The following HLA-DQB2 variants were observed in gnomAD, a reference collection of about 807,000 sequenced individuals.
HLA-DQB2 encodes major histocompatibility complex, class II, DQ beta 2.
Under a neutral mutation model 29.2 loss-of-function variants are expected in HLA-DQB2, and 24 were observed. The observed-to-expected ratio is 0.82, with a 90% CI of 0.60 to 1.16. The LOEUF (loss-of-function observed/expected upper bound fraction) is 1.16. Ranked by LOEUF, HLA-DQB2 falls within the 50% of genes most tolerant of loss-of-function variation. The probability of loss-of-function intolerance (pLI) is 0.00; values close to 1 mark genes in which losing one functional copy is unlikely to be tolerated. For synonymous variants in HLA-DQB2, 104 were observed against 133.1 expected (o/e 0.78, Z 1.51); for missense variants, 273 against 343.6 (o/e 0.79, Z 1.62).
At chr6:32,762,210 G>C (rs1261673226) in intron 1 of HLA-DQB2, among the ~76,000 whole-genome samples, 1 of 152,212 alleles carries the variant, frequency 6.6e-6, no homozygotes, top group Non-Finnish European at 1.5e-5. Flanking sequence ...TGTGAACCAA[G>C]TGAAGAGGGC....
At position 32,756,463 on chromosome 6, in the gene HLA-DQB2, A is replaced by G. The variant is rs2113913039; in HGVS notation, c.785T>C (p.Leu262Pro). ...AAAAGTCCTCAGGAGTCAGTGCAGG[A>G]GTCCTGGAGAAGAGAGACGAGGCAT... ...KGPRGPPPAG[L>P]LH Residue 262 changes from leucine to proline, a missense_variant, in exon 6 of 6, where the codon CTC becomes CCC. Physicochemically the swap from Leu to Pro is moderately conservative, Grantham distance 98. Coordinates refer to ENST00000437316, the MANE Select transcript of HLA-DQB2 (RefSeq NM_001300790.2). The G allele has an allele frequency of 1.3e-6, 2 of 1,566,080 alleles. No homozygotes were observed. Among genetic ancestry groups the G allele is most frequent in the Non-Finnish European group, 1.7e-6 (2 of 1,146,454 alleles).
Position 32,759,035 on chromosome 6 carries a change from A to G in HLA-DQB2, c.461T>C (p.Ile154Thr). Residue 154 changes from isoleucine to threonine, a missense_variant, in exon 3 of 6, where the codon ATC becomes ACC. By Grantham distance (89) the Ile-to-Thr change is moderately conservative (BLOSUM62 -1). Coordinates refer to ENST00000437316, the MANE Select transcript of HLA-DQB2 (RefSeq NM_001300790.2). ...GTCATTCCGAAACCACCGGACTTTG[A>G]TCTGGGCTGGATAGAAATCTGTCAC... ...CSVTDFYPAQ[I>T]KVRWFRNDQE... The G allele has an allele frequency of 2.5e-6, 4 of 1,614,216 alleles. No homozygotes were observed. The highest frequency in any genetic ancestry group is 3.4e-6 in the Non-Finnish European group (4 of 1,180,048).
At chr6:32,757,073 G>C in intron 5 of HLA-DQB2, 1 of 1,419,348 alleles carries the variant, frequency 7.0e-7, no homozygotes, top group Non-Finnish European at 9.2e-7. Context: ...AGACTGGAGT[G>C]CAGTGGCGCC....
rs200716952 is a variant in HLA-DQB2, at chr6:32,758,997, C to G, written c.499G>C (p.Ala167Pro). The G allele has an allele frequency of 9.5e-7, 1 of 1,047,394 alleles. No homozygotes were observed. The highest frequency in any genetic ancestry group is 1.3e-6 in the Non-Finnish European group (1 of 761,738). 64.9% of individuals were successfully genotyped at this position (1,047,394 alleles called of 1,614,324 possible). Residue 167 changes from alanine (A) to proline (P), a missense_variant, in exon 3 of 6, where the codon GCC (alanine) becomes CCC (proline). Coordinates refer to ENST00000437316, the MANE Select transcript of HLA-DQB2 (RefSeq NM_001300790.2). The stretch of plus-strand genomic sequence containing the variant: ...ATGAGGGAGGTGGACACAACACCGG[C>G]TGTCTCCTCCTGGTCATTCCGAAAC... ...RWFRNDQEETAGVVSTSLIRN... is the reference protein window; with the variant it reads ...RWFRNDQEETPGVVSTSLIRN...
intron 1 of HLA-DQB2, 127 bp from the exon 2 acceptor site, chr6:32,762,053 G>A (rs905145381): frequency 2.2e-5 from 28 of 1,281,172 alleles, no homozygotes; most frequent in Non-Finnish European, 2.9e-5. Context: ...ACGCGAAATT[G>A]AGTTCTTGGC....
intron 2 of HLA-DQB2, among the ~76,000 whole-genome samples, 176 bp from the exon 3 acceptor site, chr6:32,759,307 T>C (rs1306766839): frequency 0.058 from 6,687 of 115,474 alleles, no homozygotes; most frequent in South Asian, 0.071. Context: ...AATCCAAAAA[T>C]AAACAACAAA....
chr6:32,761,853 T>A lies in HLA-DQB2; in HGVS notation c.171A>T (p.Arg57Ser). Residue 57 changes from arginine (R) to serine (S), a missense_variant, in exon 2 of 6, where the codon AGA (arginine) becomes AGT (serine). By Grantham distance (110) the Arg-to-Ser change is moderately radical (BLOSUM62 -1). Transcript: ENST00000437316. ...CGTACTCCTCGCGGTTATAGATGTA[T>A]CTGGCCACACCGCGCACGCGCTCTG... ...NGTERVRGVARYIYNREEYGR... is the reference protein window; with the variant it reads ...NGTERVRGVASYIYNREEYGR... 6.2e-7 allele frequency: 1 copy of A among 1,611,258 alleles called. No individual in the cohort carries two copies. Among genetic ancestry groups the A allele is most frequent in the Non-Finnish European group, 8.5e-7 (1 of 1,178,740 alleles).
At chr6:32,760,862 C>A (rs1447726861) in intron 2 of HLA-DQB2, among the ~76,000 whole-genome samples, 15,990 of 131,128 alleles carry the variant, frequency 0.12, no homozygotes, top group East Asian at 0.22. Context: ...GAGTTTACAG[C>A]ATTAAGCAAA....
At chr6:32,758,601 G>A (rs1764482997) in intron 3 of HLA-DQB2, among the ~76,000 whole-genome samples, 1 of 152,200 alleles carries the variant, frequency 6.6e-6, no homozygotes, top group South Asian at 2.1e-4. Flanking sequence ...CTCAGTCTCA[G>A]AGATTTCTTT....
chr6:32,761,705 T>G lies in HLA-DQB2; in HGVS notation c.319A>C (p.Arg107=), dbSNP rs1234836979. ...QERAAVDKVC[R]HNYEAELRTT... Reference sequence around the variant, plus strand: ...CGCAGCTCCGCCTCGTAGTTGTGTCTGCACACCTTGTCCACCGCGGCCCGC... The same window carrying G: ...CGCAGCTCCGCCTCGTAGTTGTGTCGGCACACCTTGTCCACCGCGGCCCGC... Residue 107 remains arginine, a synonymous_variant, in exon 2 of 6, where the codon AGA becomes CGA. Transcript: ENST00000437316. 5 of 1,552,842 alleles carry G rather than the reference T, an allele frequency of 3.2e-6. No homozygotes were observed. Among genetic ancestry groups the G allele is most frequent in the Non-Finnish European group, 8.7e-7 (1 of 1,148,104 alleles).
intron 2 of HLA-DQB2, among the ~76,000 whole-genome samples, chr6:32,759,563 T>C (rs1278443344): frequency 1.3e-5 from 2 of 151,750 alleles, no homozygotes; most frequent in African/African-American, 4.9e-5. Context: ...TCTGGCCATT[T>C]TACTGCATTT....
chr6:32,757,022 CTTCTT>C, intron 5 of HLA-DQB2: 1 of 1,272,332 alleles, frequency 7.9e-7, no homozygotes, highest in Non-Finnish European at 9.8e-7. Flanking sequence ...CGCTCATGCT[CTTCTT>C]TTTTTTTTTT....
chr6:32,761,553 A>C, intron 2 of HLA-DQB2, 107 bp downstream of exon 2: 1 of 1,257,444 alleles, frequency 8.0e-7, no homozygotes, highest in Non-Finnish European at 1.1e-6. Context: ...GTACCCTGGG[A>C]TGGATCAGGG....
At chr6:32,756,555 A>C (rs1424117070) in intron 5 of HLA-DQB2, 89 bp from the exon 6 acceptor site, 3 of 1,528,524 alleles carry the variant, frequency 2.0e-6, no homozygotes, top group Non-Finnish European at 2.6e-6. Flanking sequence ...TGTAGCATCA[A>C]ACAGAGGATG....
chr6:32,763,227 T>G, intron 1 of HLA-DQB2, 147 bp downstream of exon 1: 1 of 602,796 alleles, frequency 1.7e-6, no homozygotes. Flanking sequence ...GAAATAAAAA[T>G]GCAACATAGC....
At position 32,761,941 on chromosome 6, in the gene HLA-DQB2, G is replaced by C. The variant is rs1002414837; in HGVS notation, c.98-15C>G. The stretch of plus-strand genomic sequence containing the variant: ...CAAGAAATCCTCTGCGGAGAATCAC[G>C]GCGGGTCAGTCAGGCCCCAGCACGG... On this transcript the variant is annotated splice_polypyrimidine_tract_variant and intron_variant, in intron 1 of 5. Transcript: ENST00000437316. 13 of 1,587,246 alleles carry C rather than the reference G, an allele frequency of 8.2e-6. No individual in the cohort carries two copies. Among genetic ancestry groups the C allele is most frequent in the African/African-American group, 5.5e-5 (4 of 72,940 alleles).
At chr6:32,756,732 G>A in intron 5 of HLA-DQB2, 1 of 1,306,924 alleles carries the variant, frequency 7.7e-7, no homozygotes, top group Non-Finnish European at 9.7e-7. Context: ...TAAATTGGGT[G>A]ACACTTCATC....
In HLA-DQB2 at chr6:32,761,691, C is replaced by T. The variant is rs112964536; in HGVS notation, c.333G>A (p.Glu111=). 5.7e-4 allele frequency: 887 copies of T among 1,551,682 alleles called. 4 individuals are homozygous for T. In the African/African-American group the frequency reaches 0.01, roughly 18 times the overall value. ...GCTGCAAGGTCGTGCGCAGCTCCGCCTCGTAGTTGTGTCTGCACACCTTGT... is the reference window on the plus strand; with the variant it reads ...GCTGCAAGGTCGTGCGCAGCTCCGCTTCGTAGTTGTGTCTGCACACCTTGT... ...AVDKVCRHNY[E]AELRTTLQRQ... Residue 111 remains glutamate (E), a synonymous_variant, in exon 2 of 6, where the codon GAG becomes GAA. Transcript: ENST00000437316.
chr6:32,757,986 C>T, intron 3 of HLA-DQB2, 103 bp from the exon 4 acceptor site: 2 of 1,077,554 alleles, frequency 1.9e-6, no homozygotes, highest in Non-Finnish European at 2.6e-6. Context: ...AGTCTGACCA[C>T]CCTAGGGAAG....
Sources: allele counts gnomAD v4.1 joint callset (sites outside exome capture counted in the v4.1 genomes callset), GRCh38; gene constraint gnomAD v4.1.1; transcripts MANE v1.5; gene names NCBI Gene and HGNC (gene_info 2026-07-23, HGNC 2026-07-21).